Variants in RANBP2 observed in about 807,000 individuals in gnomAD.
The protein encoded by RANBP2 is E3 SUMO-protein ligase RanBP2.
A neutral mutation model predicts 303.6 loss-of-function variants in RANBP2; 57 were observed. The ratio of observed to expected loss-of-function variants is 0.19; its 90% CI spans 0.15 to 0.23. The LOEUF is 0.23. RANBP2 is among the 10% of genes least tolerant of loss of function. The pLI is 1.00. For synonymous variants in RANBP2, 1,167 were observed against 1,301.5 expected, an observed-to-expected ratio of 0.90 and a Z score of 2.23; for missense variants, 3,138 against 3,780.8, an observed-to-expected ratio of 0.83 and a Z score of 4.46.
At chr2:109,432,285 A>T in the RANBP2 span, among the ~76,000 whole-genome samples, 9 of 152,292 alleles carry the variant, frequency 5.9e-5, no homozygotes, top group African/African-American at 1.7e-4. Context: ...CCTCCCCTGC[A>T]GGCAGCTCCC....
the RANBP2 span, among the ~76,000 whole-genome samples, chr2:109,389,970 C>T: frequency 2.6e-5 from 4 of 152,240 alleles, no homozygotes; most frequent in Admixed American, 2.0e-4. Context: ...TCCTCCTCAC[C>T]CACCTAAGAT....
At chr2:109,487,668 C>G in the RANBP2 span, among the ~76,000 whole-genome samples, 2 of 152,280 alleles carry the variant, frequency 1.3e-5, no homozygotes, top group African/African-American at 4.8e-5. Flanking sequence ...AGTGAGGCAG[C>G]AGGGCCTCAG....
At chr2:109,196,954 C>T in the RANBP2 span, among the ~76,000 whole-genome samples, 1 of 152,336 alleles carries the variant, frequency 6.6e-6, no homozygotes, top group South Asian at 2.1e-4. Context: ...ACACAGTGCG[C>T]CCCTGTGCTG....
chr2:109,264,849 A>C, the RANBP2 span, among the ~76,000 whole-genome samples: 1 of 152,084 alleles, frequency 6.6e-6, no homozygotes, highest in African/African-American at 2.4e-5. Context: ...GCTATTTTCC[A>C]CTTCCTGTTG....
At chr2:109,522,434 T>A in the RANBP2 span, among the ~76,000 whole-genome samples, 33 of 152,008 alleles carry the variant, frequency 2.2e-4, no homozygotes, top group Admixed American at 5.9e-4. Context: ...GTATCTGGGA[T>A]TACAGGCACC....
the RANBP2 span, among the ~76,000 whole-genome samples, chr2:109,145,298 A>T: frequency 6.6e-6 from 1 of 152,170 alleles, no homozygotes; most frequent in African/African-American, 2.4e-5. Context: ...TGGTGGTTAC[A>T]AGCCCACTCA....
At chr2:108,811,247 C>CTCTTTTTTTTTTTTTTTTT in the RANBP2 span, among the ~76,000 whole-genome samples, 9 of 113,900 alleles carry the variant, frequency 7.9e-5, no homozygotes, top group East Asian at 4.7e-4. Flanking sequence ...TTCTCTCTCT[C>CTCTTTTTTTTTTTTTTTTT]TTTTTTTTTT....
At chr2:109,029,134 A>C in the RANBP2 span, among the ~76,000 whole-genome samples, 1 of 151,918 alleles carries the variant, frequency 6.6e-6, no homozygotes, top group African/African-American at 2.4e-5. Flanking sequence ...AACTACAAAA[A>C]TAAATAAAAT....
At chr2:109,282,828 G>C in the RANBP2 span, among the ~76,000 whole-genome samples, 1 of 152,206 alleles carries the variant, frequency 6.6e-6, no homozygotes, top group South Asian at 2.1e-4. Flanking sequence ...CAGGCAGGAG[G>C]AGGTGGAGGG....
At chr2:109,163,390 CTTTTTTTTTTTT>C in the RANBP2 span, among the ~76,000 whole-genome samples, 5 of 70,268 alleles carry the variant, frequency 7.1e-5, no homozygotes, top group Admixed American at 2.3e-4. Flanking sequence ...AGCAAATATT[CTTTTTTTTTTTT>C]TTTTTTTTTT....
the RANBP2 span, among the ~76,000 whole-genome samples, chr2:108,828,986 A>G: frequency 6.6e-6 from 1 of 152,232 alleles, no homozygotes; most frequent in South Asian, 2.1e-4. Context: ...TCAAAAAGAA[A>G]AAAATTTAAC....
Position 108,754,897 on chromosome 2 carries a change from A to C in RANBP2, c.2203-8A>C. ...TGAAAGCCCTTAATTAATGTCTTTTATTTTTAGTTGCCTGTGCCCCTGGAG... is the reference window on the plus strand; with the variant it reads ...TGAAAGCCCTTAATTAATGTCTTTTCTTTTTAGTTGCCTGTGCCCCTGGAG... On this transcript the variant is annotated splice_polypyrimidine_tract_variant and splice_region_variant and intron_variant, in intron 15 of 28. Transcript: ENST00000283195. 1 of 1,611,626 alleles carries C rather than the reference A, an allele frequency of 6.2e-7. No individual in the cohort carries two copies. The highest frequency in any genetic ancestry group is 8.5e-7 in the Non-Finnish European group (1 of 1,179,756).
At chr2:108,800,912 A>G in the RANBP2 span, among the ~76,000 whole-genome samples, 7 of 118,822 alleles carry the variant, frequency 5.9e-5, no homozygotes, top group Admixed American at 1.9e-4. Context: ...TTTACTGAGA[A>G]TGATGGTTTC....
At chr2:109,199,109 C>T in the RANBP2 span, among the ~76,000 whole-genome samples, 19 of 151,972 alleles carry the variant, frequency 1.3e-4, no homozygotes, top group Non-Finnish European at 2.8e-4. Flanking sequence ...CCTGTAATCC[C>T]AGCACTTTGG....
the RANBP2 span, among the ~76,000 whole-genome samples, chr2:108,924,273 T>G: frequency 9.9e-5 from 15 of 152,248 alleles, no homozygotes; most frequent in Non-Finnish European, 1.6e-4. Flanking sequence ...GTCTGCCCTG[T>G]GGCTGTGCTC....
At chr2:109,069,701 T>C in the RANBP2 span, among the ~76,000 whole-genome samples, 1 of 152,360 alleles carries the variant, frequency 6.6e-6, no homozygotes, top group Admixed American at 6.5e-5. Context: ...AATGTAAATA[T>C]TATTTACCTA....
chr2:108,759,735 T>C (rs898592997), intron 18 of RANBP2, among the ~76,000 whole-genome samples: 15 of 152,322 alleles, frequency 9.8e-5, no homozygotes, highest in Non-Finnish European at 1.9e-4. Flanking sequence ...ACACATCATA[T>C]AGGTCCTTGT....
chr2:109,129,494 C>T, the RANBP2 span: 9 of 1,494,808 alleles, frequency 6.0e-6, no homozygotes, highest in South Asian at 1.2e-5. Context: ...TCCACGCCGG[C>T]CCCGGGACCT....
chr2:109,149,787 A>G, the RANBP2 span, among the ~76,000 whole-genome samples: 1 of 152,210 alleles, frequency 6.6e-6, no homozygotes, highest in Non-Finnish European at 1.5e-5. Flanking sequence ...CCTTAGCTAC[A>G]GTGGAGATGC....
Sources: allele counts gnomAD v4.1 joint callset (sites outside exome capture counted in the v4.1 genomes callset), GRCh38; gene constraint gnomAD v4.1.1; transcripts MANE v1.5; gene names NCBI Gene and HGNC (gene_info 2026-07-23, HGNC 2026-07-21).